The following ACYP2 variants were observed in gnomAD, a reference collection of about 807,000 sequenced individuals.
The protein encoded by ACYP2 is acylphosphatase-2.
A neutral mutation model predicts 11.2 loss-of-function variants in ACYP2; 12 were observed. The ratio of observed to expected loss-of-function variants is 1.08; its 90% CI spans 0.69 to 1.74. The LOEUF (loss-of-function observed/expected upper bound fraction) is 1.74. Ranked by LOEUF, ACYP2 falls within the 40% of genes most tolerant of loss-of-function variation. ACYP2 has a pLI of 0.00. For missense variants in ACYP2, 134 were observed against 101.9 expected (o/e 1.31, Z -1.35); for synonymous variants, 43 against 32.2 (o/e 1.33, Z -1.13).
chr2:54,100,189 T>G (rs988446662), intron 4 of ACYP2, among the ~76,000 whole-genome samples: 6 of 150,160 alleles, frequency 4.0e-5, no homozygotes, highest in Admixed American at 3.3e-4. Context: ...CTTTCCAGAT[T>G]TAGTTCACTG....
chr2:54,253,406 G>A (rs974618875), intron 6 of ACYP2: 17 of 152,134 alleles, frequency 1.1e-4, no homozygotes, highest in African/African-American at 4.1e-4. Flanking sequence ...CTGTACAGCT[G>A]AATCTTCCCA....
At chr2:54,163,215 T>A (rs1227333358) in intron 6 of ACYP2, among the ~76,000 whole-genome samples, 1 of 152,234 alleles carries the variant, frequency 6.6e-6, no homozygotes, top group Non-Finnish European at 1.5e-5. Flanking sequence ...GCCATAACCA[T>A]GCCTGCATGT....
chr2:54,187,998 G>C (rs555608010), intron 6 of ACYP2, among the ~76,000 whole-genome samples: 1 of 152,310 alleles, frequency 6.6e-6, no homozygotes, highest in East Asian at 1.9e-4. Context: ...AGCCTTCAAG[G>C]TGCTGCCTTA....
chr2:54,034,248 C>T (rs1467692907), intron 2 of ACYP2, among the ~76,000 whole-genome samples: 6 of 152,164 alleles, frequency 3.9e-5, no homozygotes, highest in Non-Finnish European at 8.8e-5. Flanking sequence ...ATCCCAGCTA[C>T]TCGGGAGGCT....
intron 4 of ACYP2, among the ~76,000 whole-genome samples, chr2:54,079,678 T>C (rs1439139605): frequency 6.6e-6 from 1 of 152,212 alleles, no homozygotes; most frequent in African/African-American, 2.4e-5. Context: ...AAAACCAACG[T>C]TGAAACCTGA....
chr2:54,024,032 A>G (rs938686613), intron 2 of ACYP2, among the ~76,000 whole-genome samples: 6 of 152,208 alleles, frequency 3.9e-5, no homozygotes, highest in African/African-American at 1.2e-4. Flanking sequence ...ACATAGATGC[A>G]AAAATCCTCA....
At chr2:54,126,279 G>A (rs1474106845) in intron 4 of ACYP2, among the ~76,000 whole-genome samples, 1 of 152,154 alleles carries the variant, frequency 6.6e-6, no homozygotes, top group Non-Finnish European at 1.5e-5. Flanking sequence ...TATTCATAAG[G>A]AAGTAGGTCT....
chr2:54,135,340 G>T, intron 4 of ACYP2, 113 bp from the exon 2 acceptor site: 1 of 896,268 alleles, frequency 1.1e-6, no homozygotes, highest in Non-Finnish European at 1.7e-6. Flanking sequence ...TGAAACTGCA[G>T]AAGGTGAAAC....
chr2:54,051,482 C>G lies in ACYP2; in HGVS notation c.155+432C>G, dbSNP rs77620080. The G allele has an allele frequency of 6.6e-4, 458 of 695,030 alleles. 2 individuals are homozygous for G. The African/African-American group carries it at 7.2e-3, about 11-fold the overall frequency. The allele number at this position is 695,030 out of a possible 1,614,324, so 43.1% of individuals were successfully genotyped here. A position where few individuals can be genotyped will look rare whatever the true frequency, so the allele number is the denominator to read the frequency against. ...AAAAAGAAGTTTGAGGATCCCAGTGCACCCAAGAGGACTCCTTTGGGCTTT... is the reference window on the plus strand; with the variant it reads ...AAAAAGAAGTTTGAGGATCCCAGTGGACCCAAGAGGACTCCTTTGGGCTTT... On this transcript the variant is annotated intron_variant, in intron 3 of 6. Transcript: ENST00000607452.
chr2:54,096,819 CG>C (rs34537106), intron 4 of ACYP2, among the ~76,000 whole-genome samples: 55,474 of 151,592 alleles, frequency 0.37, 11,212 homozygotes, highest in East Asian at 0.73. Context: ...AGAGGGAGAC[CG>C]TGGAAAGAGA....
chr2:54,132,037 C>T (rs759728269), intron 4 of ACYP2, among the ~76,000 whole-genome samples: 43 of 152,176 alleles, frequency 2.8e-4, no homozygotes, highest in African/African-American at 6.8e-4. Flanking sequence ...CTTTTCATAA[C>T]GCTAATATTC....
At chr2:54,217,738 A>C (rs988474968) in intron 6 of ACYP2, among the ~76,000 whole-genome samples, 8 of 152,150 alleles carry the variant, frequency 5.3e-5, no homozygotes, top group Non-Finnish European at 1.2e-4. Flanking sequence ...AGCTTGGGGA[A>C]AAGATCATGG....
intron 1 of ACYP2, among the ~76,000 whole-genome samples, chr2:53,972,278 C>G (rs1424176042): frequency 6.8e-6 from 1 of 147,410 alleles, no homozygotes; most frequent in Non-Finnish European, 1.5e-5. Context: ...CCAGGGCACT[C>G]CAGCCTGGGC....
intron 6 of ACYP2, among the ~76,000 whole-genome samples, chr2:54,199,254 A>G (rs1188401933): frequency 1.3e-5 from 2 of 152,184 alleles, no homozygotes; most frequent in Non-Finnish European, 2.9e-5. Context: ...GTAAGCTAAA[A>G]TTCTGTGCTC....
chr2:54,165,515 ACTCTCTCTCTCT>A (rs10575339), intron 6 of ACYP2, among the ~76,000 whole-genome samples: 6 of 131,270 alleles, frequency 4.6e-5, no homozygotes, highest in African/African-American at 1.4e-4. Flanking sequence ...TCTCTCTTTC[ACTCTCTCTCTCT>A]CTCTCTCTCA....
At chr2:54,234,608 T>G (rs868089306) in intron 6 of ACYP2, among the ~76,000 whole-genome samples, 11 of 152,244 alleles carry the variant, frequency 7.2e-5, no homozygotes, top group Middle Eastern at 3.2e-3. Context: ...GCTGAACCAA[T>G]TGAGATGTCT....
chr2:54,158,184 C>G (rs972248815), intron 6 of ACYP2, among the ~76,000 whole-genome samples: 2 of 145,616 alleles, frequency 1.4e-5, no homozygotes, highest in Non-Finnish European at 3.0e-5. Flanking sequence ...CACCACCACG[C>G]CCAGTTAACT....
At chr2:54,111,877 CAATCACTTTCAAATGACCCCATGT>C (rs1476643042) in intron 4 of ACYP2, among the ~76,000 whole-genome samples, 1 of 152,188 alleles carries the variant, frequency 6.6e-6, no homozygotes, top group Non-Finnish European at 1.5e-5. Flanking sequence ...ATAACTCTAG[CAATCACTTTCAAATGACCCCATGT>C]GGTGATGAAT....
At chr2:54,202,905 G>A (rs1464174693) in intron 6 of ACYP2, among the ~76,000 whole-genome samples, 2 of 151,596 alleles carry the variant, frequency 1.3e-5, no homozygotes, top group African/African-American at 4.8e-5. Context: ...AAAAGAGTGA[G>A]TCCTCCAACT....
Sources: gnomAD v4.1 joint callset for allele counts (sites outside exome capture counted in the v4.1 genomes callset) on GRCh38, gnomAD v4.1.1 for gene constraint, MANE v1.5 for transcripts, NCBI Gene and HGNC (gene_info 2026-07-23, HGNC 2026-07-21) for gene names.